HUNK: variants seen among roughly 807,000 people sequenced by gnomAD.
The protein encoded by HUNK is hormonally up-regulated Neu-associated kinase, also known as hormonally up-regulated neu tumor-associated kinase.
In HUNK, 21 loss-of-function variants were observed where a neutral mutation model predicts 61.0. That is an observed-to-expected ratio of 0.34 (90% CI 0.24 to 0.50). The LOEUF is 0.50. HUNK is among the 20% of genes least tolerant of loss of function. HUNK has a pLI of 0.98. For missense variants in HUNK, 772 were observed against 945.7 expected, an observed-to-expected ratio of 0.82 and a Z score of 2.41; for synonymous variants, 371 against 386.1, an observed-to-expected ratio of 0.96 and a Z score of 0.46.
At chr21:31,910,528 A>G (rs2052538825) in intron 1 of HUNK, among the ~76,000 whole-genome samples, 1 of 143,964 alleles carries the variant, frequency 6.9e-6, no homozygotes, top group South Asian at 2.2e-4. Context: ...TCACTCCATC[A>G]CTCAGGCTGG....
rs1341488969 is a variant in HUNK, at chr21:31,968,840, ATT to A, written c.1010+457_1010+458del. 2.2e-4 allele frequency among the ~76,000 whole-genome samples: 12 copies of A among 55,252 alleles called. No individual in the cohort carries two copies. The East Asian group carries it at 5.3e-3, about 24-fold the overall frequency. 36.2% of individuals were successfully genotyped at this position (55,252 alleles called of 152,430 possible). On this transcript the variant is annotated intron_variant, in intron 6 of 10. Transcript: ENST00000270112. ...GTGTGTGTGTATGTGTTGTGTGTAAATTTGTGTGTGTGTGTGTGTGTGTGTGT... is the reference window on the plus strand; with the variant it reads ...GTGTGTGTGTATGTGTTGTGTGTAAATGTGTGTGTGTGTGTGTGTGTGTGT...
chr21:31,923,393 T>C (rs546642341), intron 1 of HUNK, among the ~76,000 whole-genome samples: 1 of 150,908 alleles, frequency 6.6e-6, no homozygotes, highest in Non-Finnish European at 1.5e-5. Flanking sequence ...TGAGCCATGA[T>C]TGCACCATGT....
chr21:31,939,499 C>T (rs1294823978), intron 2 of HUNK, among the ~76,000 whole-genome samples: 1 of 148,566 alleles, frequency 6.7e-6, no homozygotes, highest in Non-Finnish European at 1.5e-5. Flanking sequence ...ACCTCTGCCT[C>T]CCGGGTACAA....
chr21:31,895,676 G>T (rs2052419973), intron 1 of HUNK, among the ~76,000 whole-genome samples: 1 of 152,204 alleles, frequency 6.6e-6, no homozygotes, highest in South Asian at 2.1e-4. Context: ...GGCTTAAGCA[G>T]CCTTTGAAAT....
chr21:31,905,308 A>G (rs956242735), intron 1 of HUNK, among the ~76,000 whole-genome samples: 2 of 152,174 alleles, frequency 1.3e-5, no homozygotes, highest in African/African-American at 4.8e-5. Context: ...TCCAGACGTA[A>G]CCAGTCCTGC....
Position 31,940,176 on chromosome 21 carries a change from T to G in HUNK, c.566T>G (p.Ile189Arg). ...RAGVVHRDLK[I>R]ENLLLDEDNN... ...TTTGTTTATTTCAGAGACTTGAAGA[T>G]AGAGAATTTGCTACTAGATGAAGAC... Residue 189 changes from isoleucine to arginine, a missense_variant, in exon 3 of 11, where the codon ATA (isoleucine) becomes AGA (arginine). Transcript: ENST00000270112. The G allele has an allele frequency of 6.3e-7, 1 of 1,597,022 alleles. No individual in the cohort carries two copies. The highest frequency in any genetic ancestry group is 8.5e-7 in the Non-Finnish European group (1 of 1,172,234).
chr21:31,919,219 AAT>A (rs2052606832), intron 1 of HUNK, among the ~76,000 whole-genome samples: 1 of 136,440 alleles, frequency 7.3e-6, no homozygotes, highest in Non-Finnish European at 1.7e-5. Context: ...GAGGGGCTGG[AAT>A]GAGTGGTATG....
chr21:31,976,884 C>T lies in HUNK; in HGVS notation c.1173+2167C>T, dbSNP rs187716784. ...TTCCTGGGTTCAAGTGATTCTCCCA[C>T]CTCAGTGTCCTGAGTAGCTGGGACT... On this transcript the variant is annotated intron_variant, in intron 7 of 10. Coordinates refer to ENST00000270112, the MANE Select transcript of HUNK (RefSeq NM_014586.2). 3.3e-5 allele frequency among the ~76,000 whole-genome samples: 5 copies of T among 152,004 alleles called. No individual in the cohort carries two copies. In the East Asian group the frequency reaches 9.7e-4, roughly 29 times the overall value.
At chr21:31,905,363 A>G (rs2123802106) in intron 1 of HUNK, among the ~76,000 whole-genome samples, 1 of 152,366 alleles carries the variant, frequency 6.6e-6, no homozygotes, top group Admixed American at 6.5e-5. Context: ...ATTGTAAGAC[A>G]GTAAGCCACA....
At position 31,932,911 on chromosome 21, in the gene HUNK, C is replaced by CTTT. The variant is rs779361324; in HGVS notation, c.555-7237_555-7235dup. ...CCCATCCTCCTGCGCTGCCTTCTTC[C>CTTT]TTTTTTTTTTTTTTTTTTTGATACA... On this transcript the variant is annotated intron_variant, in intron 2 of 10. Transcript: ENST00000270112. Among the ~76,000 whole-genome samples, 1,081 of 130,618 alleles carry CTTT rather than the reference C, an allele frequency of 8.3e-3. 23 individuals are homozygous for CTTT. Among genetic ancestry groups the CTTT allele is most frequent in the African/African-American group, 0.032 (1,029 of 32,332 alleles). The allele number at this position is 130,618 out of a possible 152,430, so 85.7% of individuals were successfully genotyped here.
At chr21:31,966,746 T>G (rs924853002) in intron 5 of HUNK, among the ~76,000 whole-genome samples, 2 of 152,156 alleles carry the variant, frequency 1.3e-5, no homozygotes, top group African/African-American at 4.8e-5. Flanking sequence ...AGAAGATTAC[T>G]TTAGAAAACT....
chr21:31,874,030 A>G, intron 1 of HUNK, 95 bp downstream of exon 1: 2 of 960,384 alleles, frequency 2.1e-6, no homozygotes, highest in South Asian at 6.9e-5. Flanking sequence ...CCCAGTGTGC[A>G]GTCCCGGGCC....
In HUNK at chr21:31,937,037, G is replaced by C. The variant is rs111725086; in HGVS notation, c.555-3128G>C. On this transcript the variant is annotated intron_variant, in intron 2 of 10. Transcript: ENST00000270112. ...TAGAGAGTACTGCTGTTTATAATCA[G>C]GGTTCACGGAATCACAGTTTGGGAT... Among the ~76,000 whole-genome samples the C allele has an allele frequency of 6.6e-3, 1,011 of 152,276 alleles. 7 individuals carry two copies. The highest frequency in any genetic ancestry group is 0.023 in the African/African-American group (941 of 41,550).
chr21:31,923,303 T>C (rs113987369), intron 1 of HUNK, among the ~76,000 whole-genome samples: 2,531 of 151,812 alleles, frequency 0.017, 59 homozygotes, highest in African/African-American at 0.059. Flanking sequence ...TAGCCAGCCG[T>C]GGTGGTGTGT....
intron 1 of HUNK, among the ~76,000 whole-genome samples, chr21:31,914,731 G>A (rs1382329159): frequency 6.7e-6 from 1 of 150,040 alleles, no homozygotes; most frequent in Non-Finnish European, 1.5e-5. Flanking sequence ...ACCTTTCTGT[G>A]CAGGCTCAGA....
At position 31,873,480 on chromosome 21, in the gene HUNK, G is replaced by A; in HGVS notation, c.-195G>A. 1 of 244,882 alleles carries A rather than the reference G, an allele frequency of 4.1e-6. No homozygotes were observed. The highest frequency in any genetic ancestry group is 6.5e-6 in the Non-Finnish European group (1 of 153,062). 15.2% of individuals were successfully genotyped at this position (244,882 alleles called of 1,614,324 possible). ...TCCCCGGTCCCGCGTCCCCTGGGCA[G>A]CCGCTATTGTCTACGCGCCTCGCTG... On this transcript the variant is annotated 5_prime_UTR_variant, in exon 1 of 11. Transcript: ENST00000270112. This position sits in a 1 kb window ranked among gnomAD's most constrained non-coding sequence, Gnocchi z 6.1.
intron 2 of HUNK, among the ~76,000 whole-genome samples, chr21:31,938,883 G>A (rs1255964814): frequency 6.6e-6 from 1 of 152,218 alleles, no homozygotes; most frequent in Non-Finnish European, 1.5e-5. Context: ...TGGTTTTGAT[G>A]TCCAAGTACA....
At chr21:31,967,780 T>G (rs1371739676) in intron 5 of HUNK, among the ~76,000 whole-genome samples, 1 of 152,152 alleles carries the variant, frequency 6.6e-6, no homozygotes, top group Non-Finnish European at 1.5e-5. Context: ...TCTCCCTGAG[T>G]GCTCAAAAAC....
chr21:31,895,619 C>A (rs1054058946), intron 1 of HUNK, among the ~76,000 whole-genome samples: 7 of 152,190 alleles, frequency 4.6e-5, no homozygotes, highest in Non-Finnish European at 8.8e-5. Flanking sequence ...AGAGTAACTT[C>A]TGATTTATCA....
Sources: allele counts gnomAD v4.1 joint callset (sites outside exome capture counted in the v4.1 genomes callset), GRCh38; gene constraint gnomAD v4.1.1; non-coding constraint Gnocchi (gnomAD v3.1); transcripts MANE v1.5; gene names NCBI Gene and HGNC (gene_info 2026-07-23, HGNC 2026-07-21).